MED21: variants seen among roughly 807,000 people sequenced by gnomAD.
The protein encoded by MED21 is mediator complex subunit 21, also known as mediator of RNA polymerase II transcription subunit 21.
Under a neutral mutation model 18.2 loss-of-function variants are expected in MED21, and 9 were observed. The observed-to-expected ratio is 0.49, with a 90% CI of 0.30 to 0.86. The LOEUF (loss-of-function observed/expected upper bound fraction) is 0.86, where lower values mean the gene tolerates loss of function less well. Ranked by LOEUF, MED21 falls within the 40% of genes least tolerant of loss-of-function variation. MED21 has a pLI of 0.07. For synonymous variants in MED21, 73 were observed against 60.5 expected, an observed-to-expected ratio of 1.21 and a Z score of -0.96; for missense variants, 150 against 170.9, an observed-to-expected ratio of 0.88 and a Z score of 0.68.
chr12:27,030,211 C>A lies in MED21; in HGVS notation c.*1750C>A. 1 of 642,532 alleles carries A rather than the reference C, an allele frequency of 1.6e-6. No homozygotes were observed. Among genetic ancestry groups the A allele is most frequent in the Non-Finnish European group, 2.9e-6 (1 of 348,630 alleles). 39.8% of individuals were successfully genotyped at this position (642,532 alleles called of 1,614,324 possible). On this transcript the variant is annotated 3_prime_UTR_variant, in exon 4 of 4. Transcript: ENST00000282892. Reference sequence around the variant, plus strand: ...GCAGTTCTGTGATCATGGCTCACTGCAGCTTCACCCTGGGTTCAGGTGATC... The same window carrying A: ...GCAGTTCTGTGATCATGGCTCACTGAAGCTTCACCCTGGGTTCAGGTGATC...
chr12:27,025,489 C>G (rs1941531890), intron 1 of MED21, among the ~76,000 whole-genome samples: 1 of 152,042 alleles, frequency 6.6e-6, no homozygotes, highest in Admixed American at 6.6e-5. Flanking sequence ...TGGAAAACAA[C>G]AAGAAGACTA....
At chr12:27,031,048 C>T (rs996808928), downstream of MED21, among the ~76,000 whole-genome samples, 1 of 152,188 alleles carries the variant, frequency 6.6e-6, no homozygotes, top group African/African-American at 2.4e-5. Context: ...GCTGGGATTA[C>T]AGGCAGGCAC....
intron 1 of MED21, among the ~76,000 whole-genome samples, chr12:27,026,149 G>T (rs975148035): frequency 2.0e-5 from 3 of 152,084 alleles, no homozygotes; most frequent in African/African-American, 7.2e-5. Flanking sequence ...CACAAGAAAA[G>T]AAAGATTATT....
At chr12:27,034,278 A>G (rs1976206), downstream of MED21, among the ~76,000 whole-genome samples, 139,328 of 152,032 alleles carry the variant, frequency 0.92, 64,025 homozygotes, top group East Asian at 1. Flanking sequence ...TTAGCCAGGC[A>G]TGGTGGTGGG....
At chr12:27,026,651 A>G (rs1330202690) in intron 2 of MED21, 117 bp downstream of exon 2, 2 of 775,632 alleles carry the variant, frequency 2.6e-6, no homozygotes, top group East Asian at 5.4e-5. Context: ...GTTGTTTGAG[A>G]ATATTACAAG....
At position 27,029,409 on chromosome 12, in the gene MED21, C is replaced by T; in HGVS notation, c.*948C>T. ...CAACCCTTGGATCTCTTTGAGTCTA[C>T]TGATAATCTCCACTGGAAAGGTGGA... is the stretch of plus-strand genomic sequence containing the variant. On this transcript the variant is annotated 3_prime_UTR_variant, in exon 4 of 4. Transcript: ENST00000282892. The T allele has an allele frequency of 1.0e-6, 1 of 985,382 alleles. No individual in the cohort carries two copies. Among genetic ancestry groups the T allele is most frequent in the Non-Finnish European group, 1.2e-6 (1 of 829,916 alleles). 61.0% of individuals were successfully genotyped at this position (985,382 alleles called of 1,614,324 possible). A position where few individuals can be genotyped will look rare whatever the true frequency, so the allele number is the denominator to read the frequency against.
At chr12:27,038,116 C>G (rs1387650631) in intron 2 of MED21, 1 of 151,912 alleles carries the variant, frequency 6.6e-6, no homozygotes. Context: ...CACATCTAAG[C>G]ATGAAAGAAA....
At chr12:27,024,949 A>T (rs536266742) in intron 1 of MED21, among the ~76,000 whole-genome samples, 2 of 152,240 alleles carry the variant, frequency 1.3e-5, no homozygotes, top group African/African-American at 4.8e-5. Flanking sequence ...AATTATTTGT[A>T]TAACTTTTAA....
rs1864591778 is a variant in MED21 at position 27,029,780 on chromosome 12, T to C, written c.*1319T>C. The C allele has an allele frequency of 2.0e-6, 2 of 987,362 alleles. No individual in the cohort carries two copies. The highest frequency in any genetic ancestry group is 4.7e-5 in the South Asian group (1 of 21,294). The allele number at this position is 987,362 out of a possible 1,614,324, so 61.2% of individuals were successfully genotyped here. On this transcript the variant is annotated 3_prime_UTR_variant, in exon 4 of 4. Coordinates refer to ENST00000282892, the MANE Select transcript of MED21 (RefSeq NM_004264.5). ...TGGCATAAATCTGTACTCTTCATTATAGTTTTGGGGGGAGAGAAGATTCAG... is the reference window on the plus strand; with the variant it reads ...TGGCATAAATCTGTACTCTTCATTACAGTTTTGGGGGGAGAGAAGATTCAG...
intron 1 of MED21, chr12:27,022,941 C>T: frequency 1.7e-5 from 21 of 1,204,634 alleles, no homozygotes; most frequent in Non-Finnish European, 2.2e-5. Flanking sequence ...ATTTTCTTGT[C>T]AGTGGTGCTT....
At chr12:27,023,401 G>C (rs993005970) in intron 1 of MED21, among the ~76,000 whole-genome samples, 2 of 131,056 alleles carry the variant, frequency 1.5e-5, no homozygotes, top group African/African-American at 5.1e-5. Flanking sequence ...CCGGGTTCAA[G>C]CGATTCTCCT....
chr12:27,031,903 G>A (rs552516530), downstream of MED21, among the ~76,000 whole-genome samples: 9 of 152,252 alleles, frequency 5.9e-5, no homozygotes, highest in Admixed American at 2.6e-4. Flanking sequence ...CAGCCAAGGC[G>A]TGCGTACCCC....
At chr12:27,023,514 C>T (rs1018847420) in intron 1 of MED21, among the ~76,000 whole-genome samples, 7 of 152,072 alleles carry the variant, frequency 4.6e-5, no homozygotes, top group East Asian at 1.9e-4. Flanking sequence ...CCAGGCTGGT[C>T]TCAAACTCCC....
chr12:27,037,361 A>G (rs1941655838), intron 2 of MED21: 1 of 151,974 alleles, frequency 6.6e-6, no homozygotes, highest in African/African-American at 2.4e-5. Context: ...GGGGTTTTCT[A>G]TACATACAGT....
chr12:27,036,941 T>C (rs552442664), intron 2 of MED21, among the ~76,000 whole-genome samples: 32 of 152,346 alleles, frequency 2.1e-4, no homozygotes, highest in Admixed American at 1.0e-3. Context: ...TGGTTCCATA[T>C]GAACTTTAAA....
In MED21 at chr12:27,029,103, T is replaced by C. The variant is rs1350285217; in HGVS notation, c.*642T>C. 2.0e-6 allele frequency: 2 copies of C among 985,350 alleles called. No individual in the cohort carries two copies. The highest frequency in any genetic ancestry group is 6.1e-5 in the Admixed American group (1 of 16,268). 61.0% of individuals were successfully genotyped at this position (985,350 alleles called of 1,614,324 possible). ...CCTGGCTGTTGTGAAAGAATTTTTC[T>C]ACATCCTGAACTATTTTTCCTATTT... On this transcript the variant is annotated 3_prime_UTR_variant, in exon 4 of 4. Transcript: ENST00000282892.
At chr12:27,037,725 T>C (rs1301104499) in intron 2 of MED21, 2 of 152,228 alleles carry the variant, frequency 1.3e-5, no homozygotes, top group African/African-American at 4.8e-5. Flanking sequence ...ATATTACAAA[T>C]TGGAATATTC....
Position 27,022,588 on chromosome 12 carries a change from T to C in MED21, c.9T>C (p.Asp3=), listed in dbSNP as rs1941484390. 1 of 1,566,868 alleles carries C rather than the reference T, an allele frequency of 6.4e-7. No individual in the cohort carries two copies. The highest frequency in any genetic ancestry group is 1.1e-5 in the South Asian group (1 of 87,830). The change falls in exon 1 of 4, where the codon GAT becomes GAC. Residue 3 remains aspartate, a synonymous_variant. Coordinates refer to ENST00000282892, the MANE Select transcript of MED21 (RefSeq NM_004264.5). ...TTTGCTGCGGTAGGAACATGGCGGA[T>C]CGGCTCACGCAGCTTCAGGACGCTG... MA[D]RLTQLQDAVN...
At chr12:27,036,261 C>T (rs1203191297) in intron 2 of MED21, among the ~76,000 whole-genome samples, 1 of 152,142 alleles carries the variant, frequency 6.6e-6, no homozygotes, top group Non-Finnish European at 1.5e-5. Context: ...TGTTCATATC[C>T]TTTGCCCACT....
Sources: gnomAD v4.1 joint callset for allele counts (sites outside exome capture counted in the v4.1 genomes callset) on GRCh38, gnomAD v4.1.1 for gene constraint, MANE v1.5 for transcripts, NCBI Gene and HGNC (gene_info 2026-07-23, HGNC 2026-07-21) for gene names.